Variants in SOX8 observed in about 807,000 individuals in gnomAD.
SOX8 encodes the protein SRY-box transcription factor 8.
Under a neutral mutation model 22.9 loss-of-function variants are expected in SOX8, and 9 were observed. The ratio of observed to expected loss-of-function variants is 0.39; its 90% CI spans 0.24 to 0.69. The LOEUF is 0.69. Ranked by LOEUF, SOX8 falls within the 30% of genes least tolerant of loss-of-function variation. SOX8 has a pLI of 0.43. For synonymous variants in SOX8, 416 were observed against 330.6 expected (o/e 1.26, Z -2.80); for missense variants, 734 against 699.4 (o/e 1.05, Z -0.56).
In SOX8 at chr16:983,887, C is replaced by A; in HGVS notation, c.582C>A (p.Pro194=). The change falls in exon 2 of 3, where the codon CCC becomes CCA. Residue 194 remains proline (P), a synonymous_variant. Transcript: ENST00000293894. The part of the protein sequence containing the change: ...SDSDSGAELG[P]HPGGGAVYKA... Reference sequence around the variant, plus strand: ...CCGACTCGGGCGCGGAGCTGGGACCCCACCCTGGCGGCGGTGCCGTGTACA... The same window carrying A: ...CCGACTCGGGCGCGGAGCTGGGACCACACCCTGGCGGCGGTGCCGTGTACA... The A allele has an allele frequency of 6.2e-7, 1 of 1,609,010 alleles. No homozygotes were observed. The highest frequency in any genetic ancestry group is 2.2e-5 in the East Asian group (1 of 44,600).
intron 1 of SOX8, 148 bp downstream of exon 1, chr16:982,492 G>T (rs2073405960): frequency 1.1e-6 from 1 of 881,464 alleles, no homozygotes; most frequent in Middle Eastern, 3.9e-4. Context: ...GTGTCAGGGC[G>T]GGTCCCAGTG....
At position 982,269 on chromosome 16, in the gene SOX8, C is replaced by A; in HGVS notation, c.347C>A (p.Ala116Glu). ...MNAFMVWAQA[A>E]RRKLADQYPH... is the part of the protein sequence containing the mutation. Reference sequence around the variant, plus strand: ...GCATTCATGGTGTGGGCGCAGGCGGCGCGCCGCAAGCTGGCCGACCAGTAC... The same window carrying A: ...GCATTCATGGTGTGGGCGCAGGCGGAGCGCCGCAAGCTGGCCGACCAGTAC... The change falls in exon 1 of 3, where the codon GCG becomes GAG. Residue 116 changes from alanine to glutamate, a missense_variant. This residue lies in a region of SOX8 where 588 missense variants were observed against 568.2 expected (regional missense o/e 1.03). Coordinates refer to ENST00000293894, the MANE Select transcript of SOX8 (RefSeq NM_014587.5). 6.6e-7 allele frequency: 1 copy of A among 1,523,426 alleles called. No individual in the cohort carries two copies. Among genetic ancestry groups the A allele is most frequent in the Admixed American group, 2.0e-5 (1 of 48,830 alleles). The allele number at this position is 1,523,426 out of a possible 1,614,324, so 94.4% of individuals were successfully genotyped here.
Position 985,552 on chromosome 16 carries a change from A to T in SOX8, c.*166A>T. The T allele has an allele frequency of 1.7e-6, 1 of 577,796 alleles. No homozygotes were observed. The allele number at this position is 577,796 out of a possible 1,614,324, so 35.8% of individuals were successfully genotyped here. ...CGTGGCCCTCGGCCTCCAGATGGCC[A>T]CACCTCTGCCGACGACGGACCAGCT... On this transcript the variant is annotated 3_prime_UTR_variant, in exon 3 of 3. Transcript: ENST00000293894.
rs1239383793 is a variant in SOX8 at position 983,856 on chromosome 16, G to C, written c.551G>C (p.Ser184Thr). ...RRRKSAKAGH[S>T]DSDSGAELGP... ...AGGAAGAGCGCCAAAGCCGGCCACA[G>C]CGACTCCGACTCGGGCGCGGAGCTG... is the stretch of plus-strand genomic sequence containing the variant. Residue 184 changes from serine to threonine, a missense_variant, in exon 2 of 3, where the codon AGC becomes ACC. Transcript: ENST00000293894. 2 of 1,612,588 alleles carry C rather than the reference G, an allele frequency of 1.2e-6. No homozygotes were observed. The highest frequency in any genetic ancestry group is 1.7e-6 in the Non-Finnish European group (2 of 1,179,702).
At position 986,891 on chromosome 16, in the gene SOX8, C is replaced by T. The variant is rs2073467171; in HGVS notation, c.*1505C>T. 6.6e-6 allele frequency: 1 copy of T among 152,284 alleles called. No individual in the cohort carries two copies. Among genetic ancestry groups the T allele is most frequent in the African/African-American group, 2.4e-5 (1 of 41,468 alleles). The allele number at this position is 152,284 out of a possible 1,614,324, so 9.4% of individuals were successfully genotyped here. A position where few individuals can be genotyped will look rare whatever the true frequency, so the allele number is the denominator to read the frequency against. ...CGCGTTCGGAGGACGCACCCTCACT[C>T]CCCTGCTGCCTTCACTCCTTTCTGA... On this transcript the variant is annotated 3_prime_UTR_variant, in exon 3 of 3. Coordinates refer to ENST00000293894, the MANE Select transcript of SOX8 (RefSeq NM_014587.5).
In SOX8 at chr16:986,160, T is replaced by C. The variant is rs1596202093; in HGVS notation, c.*774T>C. The C allele has an allele frequency of 6.6e-6, 1 of 151,730 alleles. No homozygotes were observed. 9.4% of individuals were successfully genotyped at this position (151,730 alleles called of 1,614,324 possible). A position where few individuals can be genotyped will look rare whatever the true frequency, so the allele number is the denominator to read the frequency against. On this transcript the variant is annotated 3_prime_UTR_variant, in exon 3 of 3. Coordinates refer to ENST00000293894, the MANE Select transcript of SOX8 (RefSeq NM_014587.5). ...GCTTCCCTTGAGGGCAGGCAGGAGG[T>C]GGAGTTGCAGCTGTTGGCCGGCATC...
Position 986,617 on chromosome 16 carries a change from T to TAGA in SOX8, c.*1231_*1232insAGA, listed in dbSNP as rs2073464428. 6.6e-6 allele frequency: 1 copy of TAGA among 152,496 alleles called. No individual in the cohort carries two copies. Among genetic ancestry groups the TAGA allele is most frequent in the South Asian group, 2.1e-4 (1 of 4,834 alleles). The allele number at this position is 152,496 out of a possible 1,614,324, so 9.4% of individuals were successfully genotyped here. A position where few individuals can be genotyped will look rare whatever the true frequency, so the allele number is the denominator to read the frequency against. On this transcript the variant is annotated 3_prime_UTR_variant, in exon 3 of 3. Coordinates refer to ENST00000293894, the MANE Select transcript of SOX8 (RefSeq NM_014587.5). ...GCCTCAGTTCTAGACGAGTCATACC[T>TAGA]GATTCACCTGCACTGCTTCCCCTGT...
chr16:984,375 C>G (rs566670154), intron 2 of SOX8, among the ~76,000 whole-genome samples: 72 of 152,332 alleles, frequency 4.7e-4, no homozygotes, highest in African/African-American at 1.6e-3. Flanking sequence ...GCTTGGCTGG[C>G]CCGGGGAGGA....
At chr16:982,881 C>G (rs1214150728) in intron 1 of SOX8, 3 of 152,570 alleles carry the variant, frequency 2.0e-5, no homozygotes, top group Non-Finnish European at 4.4e-5. Context: ...TGGACACCCT[C>G]GGTCCGAAGC....
chr16:982,491 C>T (rs1215526078), intron 1 of SOX8, 147 bp downstream of exon 1: 5 of 909,786 alleles, frequency 5.5e-6, no homozygotes, highest in Admixed American at 8.6e-5. Flanking sequence ...GGTGTCAGGG[C>T]GGGTCCCAGT....
chr16:985,365 C>T lies in SOX8; in HGVS notation c.1320C>T (p.Tyr440=). ...SPTSHWDQPV[Y]TTLTRP Reference sequence around the variant, plus strand: ...CCAGTCACTGGGACCAGCCGGTGTACACCACCCTGACCAGGCCCTGAGGGC... The same window carrying T: ...CCAGTCACTGGGACCAGCCGGTGTATACCACCCTGACCAGGCCCTGAGGGC... Residue 440 remains tyrosine (Y), a synonymous_variant, in exon 3 of 3, where the codon TAC becomes TAT. Coordinates refer to ENST00000293894, the MANE Select transcript of SOX8 (RefSeq NM_014587.5). 2 of 1,576,132 alleles carry T rather than the reference C, an allele frequency of 1.3e-6. No homozygotes were observed. The highest frequency in any genetic ancestry group is 1.7e-6 in the Non-Finnish European group (2 of 1,167,336).
chr16:983,325 G>A (rs370355048), intron 1 of SOX8: 124 of 161,956 alleles, frequency 7.7e-4, no homozygotes, highest in Middle Eastern at 5.7e-3. Context: ...AGGGACAGCA[G>A]CCCAGCTGCC....
At chr16:984,490 C>T (rs938993704) in intron 2 of SOX8, among the ~76,000 whole-genome samples, 2 of 152,232 alleles carry the variant, frequency 1.3e-5, no homozygotes, top group Non-Finnish European at 2.9e-5. Context: ...GGCCTCGGGT[C>T]TTCTCATAGC....
At chr16:983,462 A>C (rs1013124035) in intron 1 of SOX8, 3 of 344,684 alleles carry the variant, frequency 8.7e-6, no homozygotes, top group Non-Finnish European at 1.6e-5. Context: ...AATAGGGGGA[A>C]ATAGAAGGAG....
At position 983,899 on chromosome 16, in the gene SOX8, C is replaced by G. The variant is rs368399655; in HGVS notation, c.594C>G (p.Gly198=). 3.1e-5 allele frequency: 49 copies of G among 1,602,602 alleles called. No individual in the cohort carries two copies. The African/African-American group carries it at 4.8e-4, about 16-fold the overall frequency. Residue 198 remains glycine, a synonymous_variant, in exon 2 of 3, where the codon GGC becomes GGG. Transcript: ENST00000293894. ...SGAELGPHPG[G]GAVYKAEAGL... ...CGGAGCTGGGACCCCACCCTGGCGGCGGTGCCGTGTACAAGGCTGAAGCAG... is the reference window on the plus strand; with the variant it reads ...CGGAGCTGGGACCCCACCCTGGCGGGGGTGCCGTGTACAAGGCTGAAGCAG...
Position 984,729 on chromosome 16 carries a change from CA to C in SOX8, c.685del (p.Thr229ProfsTer16). 1 of 1,569,034 alleles carries C rather than the reference CA, an allele frequency of 6.4e-7. No homozygotes were observed. Among genetic ancestry groups the C allele is most frequent in the Non-Finnish European group, 8.6e-7 (1 of 1,160,640 alleles). On this transcript the variant is annotated frameshift_variant, in exon 3 of 3. Coordinates refer to ENST00000293894, the MANE Select transcript of SOX8 (RefSeq NM_014587.5). LOFTEE classifies it low-confidence loss of function (END_TRUNC). ...GQTHGPPTPP[T>X]TPKTELQQAG... The stretch of plus-strand genomic sequence containing the variant: ...AGACCCACGGGCCGCCCACCCCGCC[CA>C]CCACCCCCAAGACGGAGCTGCAGCA...
chr16:983,675 G>A (rs2073429162), intron 1 of SOX8, 53 bp from the exon 2 acceptor site: 3 of 1,544,012 alleles, frequency 1.9e-6, no homozygotes, highest in South Asian at 1.2e-5. Context: ...GTGTGCCTGC[G>A]CCGAGGGCAC....
At chr16:983,135 T>G (rs1235873703) in intron 1 of SOX8, 2 of 152,366 alleles carry the variant, frequency 1.3e-5, no homozygotes, top group Non-Finnish European at 1.5e-5. Context: ...ACCTCCTGCC[T>G]TCTGTCTGGA....
intron 2 of SOX8, 41 bp from the exon 3 acceptor site, chr16:984,660 G>A: frequency 1.5e-6 from 2 of 1,315,504 alleles, no homozygotes; most frequent in Non-Finnish European, 2.0e-6. Flanking sequence ...CCGCCCCACA[G>A]AAGGGGCATT....
Sources: allele counts gnomAD v4.1 joint callset (sites outside exome capture counted in the v4.1 genomes callset), GRCh38; gene constraint gnomAD v4.1.1; regional missense constraint gnomAD v4.1.1; transcripts MANE v1.5; gene names NCBI Gene and HGNC (gene_info 2026-07-23, HGNC 2026-07-21).